Variants in TLR5 observed in about 807,000 individuals in gnomAD.
The protein encoded by TLR5 is toll like receptor 5.
For missense variants in TLR5, 944 were observed against 999.8 expected (o/e 0.94, Z 0.75); for synonymous variants, 373 against 384.4 (o/e 0.97, Z 0.35).
intron 5 of TLR5, among the ~76,000 whole-genome samples, chr1:223,117,760 G>C (rs1656750342): frequency 1.3e-5 from 2 of 152,282 alleles, no homozygotes; most frequent in South Asian, 4.1e-4. Context: ...TAATTTTGCA[G>C]GGATGATTTT....
intron 1 of TLR5, among the ~76,000 whole-genome samples, chr1:223,142,969 G>T (rs5744103): frequency 0.016 from 2,432 of 152,280 alleles, 37 homozygotes; most frequent in Non-Finnish European, 0.025. Context: ...CACATGACAC[G>T]CTCACCCCGT....
intron 2 of TLR5, among the ~76,000 whole-genome samples, chr1:223,137,950 A>ATTTTTTTTTTTTTTTTTTTTT (rs3044335): frequency 1.2e-5 from 1 of 84,538 alleles, no homozygotes; most frequent in Non-Finnish European, 2.1e-5. Context: ...GGCTTTTTAA[A>ATTTTTTTTTTTTTTTTTTTTT]TTTTTTTTTT....
intron 5 of TLR5, among the ~76,000 whole-genome samples, chr1:223,116,570 C>T (rs1656661793): frequency 6.6e-6 from 1 of 152,188 alleles, no homozygotes; most frequent in African/African-American, 2.4e-5. Context: ...AAAGAACAAA[C>T]CTTCCACGGT....
intron 4 of TLR5, among the ~76,000 whole-genome samples, chr1:223,132,961 C>G (rs956087806): frequency 6.6e-6 from 1 of 152,146 alleles, no homozygotes; most frequent in Non-Finnish European, 1.5e-5. Context: ...AAGACTCAAG[C>G]ACAAGGATGA....
At chr1:223,120,657 A>C (rs552138149) in intron 5 of TLR5, among the ~76,000 whole-genome samples, 2 of 152,384 alleles carry the variant, frequency 1.3e-5, no homozygotes, top group East Asian at 3.9e-4. Context: ...AAATCACTTC[A>C]TGATGGCCAG....
chr1:223,119,751 G>A (rs1558125111), intron 5 of TLR5, among the ~76,000 whole-genome samples: 1 of 151,626 alleles, frequency 6.6e-6, no homozygotes, highest in Non-Finnish European at 1.5e-5. Flanking sequence ...TCTGAGGTCA[G>A]GAGTTCAAGA....
chr1:223,111,858 G>T lies in TLR5; in HGVS notation c.1174C>A (p.Arg392=). ...FLEKLQTLDL[R]DNALTTIHFI... ...TGAATGGTTGTAAGAGCATTGTCTC[G>T]GAGATCCAAGGTCTGTAATTTTTCC... Residue 392 remains arginine, a synonymous_variant, in exon 6 of 6, where the codon CGA becomes AGA. Coordinates refer to ENST00000642603, the MANE Select transcript of TLR5 (RefSeq NM_003268.6). The T allele has an allele frequency of 6.2e-7, 1 of 1,613,814 alleles. No individual in the cohort carries two copies. The highest frequency in any genetic ancestry group is 8.5e-7 in the Non-Finnish European group (1 of 1,179,856).
chr1:223,133,681 C>T (rs5744156), intron 4 of TLR5, among the ~76,000 whole-genome samples: 5,166 of 152,266 alleles, frequency 0.034, 117 homozygotes, highest in East Asian at 0.083. Flanking sequence ...TTTTTCTCAG[C>T]GCTGAAGAGT....
chr1:223,119,978 T>TAAAATAAATAAAATA (rs71178530), intron 5 of TLR5, among the ~76,000 whole-genome samples: 1 of 41,644 alleles, frequency 2.4e-5, no homozygotes, highest in African/African-American at 1.8e-4. Context: ...TAAAATAAAA[T>TAAAATAAATAAAATA]AAATAAAATA....
chr1:223,116,728 A>T (rs903283773), intron 5 of TLR5, among the ~76,000 whole-genome samples: 2 of 152,170 alleles, frequency 1.3e-5, no homozygotes, highest in Non-Finnish European at 1.5e-5. Flanking sequence ...GTCCGTTTTG[A>T]CAGGGTGCTG....
chr1:223,130,336 C>G (rs1657349541), intron 5 of TLR5, among the ~76,000 whole-genome samples: 1 of 152,170 alleles, frequency 6.6e-6, no homozygotes, highest in Non-Finnish European at 1.5e-5. Flanking sequence ...GTTCCAGAGG[C>G]CAGGTATTGT....
At chr1:223,127,803 G>A (rs976808839) in intron 5 of TLR5, 2 of 152,232 alleles carry the variant, frequency 1.3e-5, no homozygotes, top group African/African-American at 2.4e-5. Flanking sequence ...CCTAGGCCTG[G>A]GCTCCCACTA....
chr1:223,112,585 G>A lies in TLR5; in HGVS notation c.447C>T (p.Arg149=). 6.2e-7 allele frequency: 1 copy of A among 1,614,232 alleles called. No individual in the cohort carries two copies. Among genetic ancestry groups the A allele is most frequent in the Non-Finnish European group, 8.5e-7 (1 of 1,180,040 alleles). Residue 149 remains arginine, a synonymous_variant, in exon 6 of 6, where the codon CGC becomes CGT. Transcript: ENST00000642603. ...GYFRNLKALT[R]LDLSKNQIRS... ...GAATCTGATTTTTGGATAGATCCAA[G>A]CGAGTTAAAGCCTTTAAATTTCTGA... is the stretch of plus-strand genomic sequence containing the variant.
chr1:223,112,155 G>C lies in TLR5; in HGVS notation c.877C>G (p.Leu293Val), dbSNP rs768695186. 3.1e-6 allele frequency: 5 copies of C among 1,614,218 alleles called. No individual in the cohort carries two copies. Among genetic ancestry groups the C allele is most frequent in the Non-Finnish European group, 3.4e-6 (4 of 1,180,046 alleles). The change falls in exon 6 of 6, where the codon CTG becomes GTG. Residue 293 changes from leucine to valine, a missense_variant. Transcript: ENST00000642603. ...AGLARSSVRH[L>V]DLSHGFVFSL... ...AAGACAAACCCATGTGAAAGATCCA[G>C]GTGTCTCACTGAACTTCTGGCCAGG... is the stretch of plus-strand genomic sequence containing the variant.
intron 5 of TLR5, among the ~76,000 whole-genome samples, chr1:223,114,454 G>T (rs188572506): frequency 5.2e-4 from 79 of 152,278 alleles, no homozygotes; most frequent in African/African-American, 1.9e-3. Flanking sequence ...AGAATGAGAG[G>T]AAAAATAAAT....
chr1:223,110,307 G>A lies in TLR5; in HGVS notation c.*148C>T, dbSNP rs1481585129. On this transcript the variant is annotated 3_prime_UTR_variant, in exon 6 of 6. Coordinates refer to ENST00000642603, the MANE Select transcript of TLR5 (RefSeq NM_003268.6). ...GGTTAGTGAGACAGAACATGGTGTTGATACGAAAATTGAGAGATTTATGTT... is the reference window on the plus strand; with the variant it reads ...GGTTAGTGAGACAGAACATGGTGTTAATACGAAAATTGAGAGATTTATGTT... 1 of 771,678 alleles carries A rather than the reference G, an allele frequency of 1.3e-6. No homozygotes were observed. The highest frequency in any genetic ancestry group is 2.6e-5 in the East Asian group (1 of 38,786). The allele number at this position is 771,678 out of a possible 1,614,324, so 47.8% of individuals were successfully genotyped here. A position where few individuals can be genotyped will look rare whatever the true frequency, so the allele number is the denominator to read the frequency against.
intron 5 of TLR5, 53 bp from the exon 6 acceptor site, chr1:223,113,088 C>A: frequency 2.6e-6 from 4 of 1,557,820 alleles, no homozygotes; most frequent in Non-Finnish European, 3.5e-6. Flanking sequence ...CGAGGTATTG[C>A]ACTGGGGTCT....
intron 5 of TLR5, among the ~76,000 whole-genome samples, chr1:223,115,701 A>C (rs140402053): frequency 6.6e-6 from 1 of 152,298 alleles, no homozygotes; most frequent in East Asian, 1.9e-4. Flanking sequence ...CAATGGAAGA[A>C]AGTAAAGTGG....
chr1:223,115,679 C>G (rs2487833), intron 5 of TLR5, among the ~76,000 whole-genome samples: 1 of 151,934 alleles, frequency 6.6e-6, no homozygotes, highest in African/African-American at 2.4e-5. Flanking sequence ...TACTGACAGG[C>G]AGAGGTAAAT....
Sources: gnomAD v4.1 joint callset for allele counts (sites outside exome capture counted in the v4.1 genomes callset) on GRCh38, gnomAD v4.1.1 for gene constraint, MANE v1.5 for transcripts, NCBI Gene and HGNC (gene_info 2026-07-23, HGNC 2026-07-21) for gene names.